ASAP1: variants seen among roughly 807,000 people sequenced by gnomAD.
ASAP1 encodes arf-GAP with SH3 domain, ANK repeat and PH domain-containing protein 1.
Under a neutral mutation model 145.2 loss-of-function variants are expected in ASAP1, and 43 were observed. The observed-to-expected ratio is 0.30, with a 90% CI of 0.23 to 0.38. The LOEUF (loss-of-function observed/expected upper bound fraction) is 0.38, where lower values mean the gene tolerates loss of function less well. Among genes scored for constraint, ASAP1 ranks in the 10% least tolerant of loss-of-function variants. The pLI is 1.00. For synonymous variants in ASAP1, 546 were observed against 515.5 expected, an observed-to-expected ratio of 1.06 and a Z score of -0.80; for missense variants, 1,018 against 1,355.3, an observed-to-expected ratio of 0.75 and a Z score of 3.91.
At chr8:130,067,950 G>A (rs1309763231) in intron 27 of ASAP1, among the ~76,000 whole-genome samples, 3 of 152,160 alleles carry the variant, frequency 2.0e-5, no homozygotes, top group African/African-American at 7.2e-5. Flanking sequence ...AGCGAAGCAG[G>A]ATTTGTTGGA....
intron 1 of ASAP1, among the ~76,000 whole-genome samples, chr8:130,437,622 T>A (rs200357465): frequency 0.089 from 13,509 of 152,260 alleles, 771 homozygotes; most frequent in African/African-American, 0.16. Flanking sequence ...ATAGATAGAC[T>A]AACTACAATG....
chr8:130,359,893 G>A (rs1323173669), intron 2 of ASAP1, among the ~76,000 whole-genome samples: 1 of 151,208 alleles, frequency 6.6e-6, no homozygotes, highest in African/African-American at 2.4e-5. Flanking sequence ...AAAGTGCTGG[G>A]ATTACAGGCG....
intron 11 of ASAP1, among the ~76,000 whole-genome samples, chr8:130,166,494 G>A (rs2097680078): frequency 6.6e-6 from 1 of 152,028 alleles, no homozygotes; most frequent in South Asian, 2.1e-4. Flanking sequence ...CACCCATCCT[G>A]CCCCAAAATG....
chr8:130,256,828 A>G (rs1819599040), intron 3 of ASAP1, among the ~76,000 whole-genome samples: 1 of 136,726 alleles, frequency 7.3e-6, no homozygotes, highest in South Asian at 2.2e-4. Flanking sequence ...TTGTGGATTG[A>G]GTTATACTAT....
intron 7 of ASAP1, among the ~76,000 whole-genome samples, chr8:130,186,614 T>C (rs912464699): frequency 3.3e-5 from 5 of 152,048 alleles, no homozygotes; most frequent in South Asian, 2.1e-4. Context: ...CTCCACGAGG[T>C]TGGTGGTCTG....
chr8:130,253,437 C>A (rs527741943), intron 3 of ASAP1, among the ~76,000 whole-genome samples: 1 of 152,064 alleles, frequency 6.6e-6, no homozygotes, highest in Non-Finnish European at 1.5e-5. Flanking sequence ...CCCCAAAGTT[C>A]CCAACAGATA....
At chr8:130,329,773 C>T (rs998829245) in intron 3 of ASAP1, among the ~76,000 whole-genome samples, 7 of 152,196 alleles carry the variant, frequency 4.6e-5, no homozygotes, top group African/African-American at 9.7e-5. Flanking sequence ...CCACTTATGA[C>T]GTGTTGCACT....
In ASAP1 at chr8:130,116,760, A is replaced by T; in HGVS notation, c.1997-15T>A. ...AGCCTGGTTAACTGAAATAGGAAAA[A>T]AATTAATTTGCATAATTATCTAGGA... On this transcript the variant is annotated splice_polypyrimidine_tract_variant and intron_variant, in intron 21 of 29. Transcript: ENST00000518721. The T allele has an allele frequency of 6.2e-7, 1 of 1,613,068 alleles. No individual in the cohort carries two copies. The highest frequency in any genetic ancestry group is 1.1e-5 in the South Asian group (1 of 91,036).
chr8:130,125,684 A>G (rs910327725), intron 17 of ASAP1, among the ~76,000 whole-genome samples: 1 of 152,090 alleles, frequency 6.6e-6, no homozygotes, highest in African/African-American at 2.4e-5. Context: ...CATAAAGAAA[A>G]ATGTAGTTTT....
At position 130,398,852 on chromosome 8, in the gene ASAP1, G is replaced by C. The variant is rs1828650317; in HGVS notation, c.59+3033C>G. ...TGCAAACTCCAGCAGGCTGGCTGCA[G>C]AGCCTATCCTGTCAGCACGATCTTT... On this transcript the variant is annotated intron_variant, in intron 2 of 29. Coordinates refer to ENST00000518721, the MANE Select transcript of ASAP1 (RefSeq NM_018482.4). 2.6e-5 allele frequency among the ~76,000 whole-genome samples: 4 copies of C among 152,224 alleles called. No individual in the cohort carries two copies. In the South Asian group the frequency reaches 8.3e-4, roughly 32 times the overall value.
chr8:130,113,831 G>A (rs1021697670), intron 23 of ASAP1, among the ~76,000 whole-genome samples: 1 of 151,854 alleles, frequency 6.6e-6, no homozygotes, highest in Non-Finnish European at 1.5e-5. Flanking sequence ...ACCCAGGCTG[G>A]AGTGCAATGG....
chr8:130,411,544 TC>T (rs1387564055), intron 1 of ASAP1, among the ~76,000 whole-genome samples: 1 of 152,166 alleles, frequency 6.6e-6, no homozygotes, highest in Non-Finnish European at 1.5e-5. Flanking sequence ...TTGGATCACC[TC>T]CCAAAGAAAC....
chr8:130,191,286 G>C (rs1815123232), intron 5 of ASAP1, among the ~76,000 whole-genome samples: 1 of 152,042 alleles, frequency 6.6e-6, no homozygotes. Flanking sequence ...AAGTAATCTT[G>C]GTAAAATCAA....
At chr8:130,091,930 G>C in intron 25 of ASAP1, 43 bp downstream of exon 25, 1 of 1,483,168 alleles carries the variant, frequency 6.7e-7, no homozygotes, top group Non-Finnish European at 8.9e-7. Flanking sequence ...CCCACACGCT[G>C]CCTGGCCCCA....
chr8:130,083,057 G>C (rs184982135), intron 25 of ASAP1: 1 of 152,350 alleles, frequency 6.6e-6, no homozygotes, highest in East Asian at 1.9e-4. Context: ...AATGCAGGTT[G>C]CATGTGCTAT....
At chr8:130,428,451 T>TCACCACCA in intron 1 of ASAP1, among the ~76,000 whole-genome samples, 1 of 9,662 alleles carries the variant, frequency 1.0e-4, no homozygotes, top group Non-Finnish European at 2.1e-4. Context: ...ACCACCATCA[T>TCACCACCA]TATCACCATC....
intron 24 of ASAP1, among the ~76,000 whole-genome samples, chr8:130,105,420 G>A (rs2097535311): frequency 6.6e-6 from 1 of 152,168 alleles, no homozygotes; most frequent in Non-Finnish European, 1.5e-5. Context: ...TTGTGAAATT[G>A]CTAAATTGAG....
At position 130,061,069 on chromosome 8, in the gene ASAP1, A is replaced by G; in HGVS notation, c.2702T>C (p.Val901Ala). 1 of 1,519,570 alleles carries G rather than the reference A, an allele frequency of 6.6e-7. No homozygotes were observed. The highest frequency in any genetic ancestry group is 1.3e-5 in the South Asian group (1 of 74,698). The allele number at this position is 1,519,570 out of a possible 1,614,324, so 94.1% of individuals were successfully genotyped here. Residue 901 changes from valine (V) to alanine (A), a missense_variant and splice_region_variant, in exon 28 of 30, where the codon GTG (valine) becomes GCG (alanine). Physicochemically the swap from Val to Ala is moderately conservative, Grantham distance 64. This residue lies in a region of ASAP1 where 38 missense variants were observed against 77.2 expected (regional missense o/e 0.49). Transcript: ENST00000518721. ...PRVLPKLPQK[V>A]ALRKTDHLSL... ...GAGATGATCTGTTTTCCTTAGTGCCACTGTGGAAGCAATCAAAAACAAGGA... is the reference window on the plus strand; with the variant it reads ...GAGATGATCTGTTTTCCTTAGTGCCGCTGTGGAAGCAATCAAAAACAAGGA...
chr8:130,424,840 AAAAT>A (rs1829853967), intron 1 of ASAP1, among the ~76,000 whole-genome samples: 1 of 151,914 alleles, frequency 6.6e-6, no homozygotes, highest in African/African-American at 2.4e-5. Context: ...AAAAATACAA[AAAAT>A]TAGCCGGGCA....
Sources: allele counts gnomAD v4.1 joint callset (sites outside exome capture counted in the v4.1 genomes callset), GRCh38; gene constraint gnomAD v4.1.1; regional missense constraint gnomAD v4.1.1; transcripts MANE v1.5; gene names NCBI Gene and HGNC (gene_info 2026-07-23, HGNC 2026-07-21).